Variants in METAP1D observed in about 807,000 individuals in gnomAD.
METAP1D encodes methionine aminopeptidase 1D, mitochondrial.
In METAP1D, 31 loss-of-function variants were observed where a neutral mutation model predicts 40.5. The ratio of observed to expected loss-of-function variants is 0.77; its 90% CI spans 0.58 to 1.03. The LOEUF is 1.03. Ranked by LOEUF, METAP1D falls within the 50% of genes least tolerant of loss-of-function variation. The pLI is 0.00. For missense variants in METAP1D, 411 were observed against 420.7 expected, an observed-to-expected ratio of 0.98 and a Z score of 0.20; for synonymous variants, 151 against 146.4, an observed-to-expected ratio of 1.03 and a Z score of -0.22.
chr2:172,010,447 T>A (rs1281401778), intron 1 of METAP1D, among the ~76,000 whole-genome samples: 1 of 12,822 alleles, frequency 7.8e-5, no homozygotes, highest in East Asian at 6.3e-4. Context: ...CACCCAGCCC[T>A]TTTTTTTTTT....
chr2:172,036,167 G>A (rs7582986), intron 1 of METAP1D, among the ~76,000 whole-genome samples: 161 of 150,976 alleles, frequency 1.1e-3, no homozygotes, highest in Admixed American at 7.0e-3. Context: ...AATACAAAAA[G>A]TTAGCTGGGC....
In METAP1D at chr2:172,036,781, A is replaced by T. The variant is rs77157649; in HGVS notation, c.41-24717A>T. 5.7e-3 allele frequency among the ~76,000 whole-genome samples: 866 copies of T among 152,324 alleles called. 6 individuals carry two copies. The highest frequency in any genetic ancestry group is 0.02 in the African/African-American group (831 of 41,564). ...ATTAGTGACTTCATAATTGACAGGC[A>T]GTTTTCCAAGGTGGTTGTACCAGTT... On this transcript the variant is annotated intron_variant, in intron 1 of 9. Transcript: ENST00000315796.
At chr2:172,054,468 G>A (rs182921757) in intron 1 of METAP1D, among the ~76,000 whole-genome samples, 2 of 152,108 alleles carry the variant, frequency 1.3e-5, no homozygotes, top group African/African-American at 2.4e-5. Context: ...GCAGTGAGCC[G>A]AGATCGTGCT....
intron 1 of METAP1D, among the ~76,000 whole-genome samples, chr2:172,020,346 T>TCCC (rs1481573307): frequency 1.3e-5 from 2 of 152,164 alleles, no homozygotes; most frequent in Non-Finnish European, 2.9e-5. Context: ...AGGCTTTTCC[T>TCCC]CCCTGCAATT....
In METAP1D at chr2:172,079,758, G is replaced by A. The variant is rs907792149; in HGVS notation, c.851-370G>A. Among the ~76,000 whole-genome samples, 13 of 152,086 alleles carry A rather than the reference G, an allele frequency of 8.5e-5. No individual in the cohort carries two copies. The South Asian group carries it at 1.2e-3, about 15-fold the overall frequency. On this transcript the variant is annotated intron_variant, in intron 8 of 9. Transcript: ENST00000315796. ...TTATTTGCTGATGAATGAACATCTCGAGCATGTTTTTAAAATTTAAATATT... is the reference window on the plus strand; with the variant it reads ...TTATTTGCTGATGAATGAACATCTCAAGCATGTTTTTAAAATTTAAATATT...
chr2:172,054,521 A>AAAATAAATAAATAAAT (rs56060951), intron 1 of METAP1D, among the ~76,000 whole-genome samples: 10,997 of 149,206 alleles, frequency 0.074, 529 homozygotes, highest in Non-Finnish European at 0.11. Context: ...ACTCTGTCTC[A>AAAATAAATAAATAAAT]AAATAAATAA....
intron 1 of METAP1D, among the ~76,000 whole-genome samples, chr2:172,011,264 C>T (rs568455821): frequency 1.3e-5 from 2 of 151,508 alleles, no homozygotes; most frequent in South Asian, 4.2e-4. Context: ...CATCCTTAAG[C>T]AACCACTAAT....
At chr2:172,065,941 G>A (rs1690266672) in intron 4 of METAP1D, among the ~76,000 whole-genome samples, 189 bp downstream of exon 4, 1 of 152,170 alleles carries the variant, frequency 6.6e-6, no homozygotes, top group African/African-American at 2.4e-5. Flanking sequence ...TTTAATGTTT[G>A]TTAAAGCAGT....
intron 1 of METAP1D, among the ~76,000 whole-genome samples, chr2:172,013,549 G>C (rs895701036): frequency 1.3e-5 from 2 of 152,092 alleles, no homozygotes; most frequent in Non-Finnish European, 2.9e-5. Flanking sequence ...ATATTAGGGT[G>C]GTGAGGCCTG....
At position 172,080,433 on chromosome 2, in the gene METAP1D, T is replaced by C. The variant is rs1690677328; in HGVS notation, c.*27T>C. ...GAGCCGCCCGAAGGTCGCGGTGACC[T>C]GGTGCCTTTTTAAATAAATTGCTGA... On this transcript the variant is annotated 3_prime_UTR_variant, in exon 10 of 10. Transcript: ENST00000315796. 1 of 1,609,866 alleles carries C rather than the reference T, an allele frequency of 6.2e-7. No homozygotes were observed. Among genetic ancestry groups the C allele is most frequent in the African/African-American group, 1.3e-5 (1 of 74,960 alleles).
intron 1 of METAP1D, among the ~76,000 whole-genome samples, chr2:172,053,093 C>G (rs1689921146): frequency 6.6e-6 from 1 of 152,196 alleles, no homozygotes. Context: ...TCAAGTGATG[C>G]AGACTATTTA....
chr2:172,065,655 A>C lies in METAP1D; in HGVS notation c.400A>C (p.Ser134Arg). Residue 134 changes from serine (S) to arginine (R), a missense_variant, in exon 4 of 10, where the codon AGT becomes CGT. Physicochemically the swap from Ser to Arg is moderately radical, Grantham distance 110 (BLOSUM62 -1). Transcript: ENST00000315796. Reference sequence around the variant, plus strand: ...TGCTCTTGTTCATCGGGAAATCATCAGTCATAATGCCTATCCCTCACCTCT... The same window carrying C: ...TGCTCTTGTTCATCGGGAAATCATCCGTCATAATGCCTATCCCTCACCTCT... ...IDALVHREII[S>R]HNAYPSPLGY... 6.2e-7 allele frequency: 1 copy of C among 1,614,004 alleles called. No homozygotes were observed. The highest frequency in any genetic ancestry group is 1.3e-5 in the African/African-American group (1 of 75,044).
chr2:172,012,840 C>T (rs535530485), intron 1 of METAP1D, among the ~76,000 whole-genome samples: 3 of 152,180 alleles, frequency 2.0e-5, no homozygotes, highest in South Asian at 2.1e-4. Context: ...AATTCCTTCC[C>T]GGTACAAATT....
chr2:172,069,337 C>A (rs1002127844), intron 5 of METAP1D, among the ~76,000 whole-genome samples: 2 of 152,048 alleles, frequency 1.3e-5, no homozygotes, highest in African/African-American at 2.4e-5. Flanking sequence ...CTTGACTACG[C>A]CTATATTAGC....
At chr2:172,050,793 T>C (rs1689868924) in intron 1 of METAP1D, among the ~76,000 whole-genome samples, 1 of 152,232 alleles carries the variant, frequency 6.6e-6, no homozygotes, top group South Asian at 2.1e-4. Flanking sequence ...GTTTAAATGA[T>C]ATTAAGGCAT....
intron 1 of METAP1D, among the ~76,000 whole-genome samples, chr2:172,047,499 T>C (rs1487382337): frequency 6.6e-6 from 1 of 151,952 alleles, no homozygotes; most frequent in Non-Finnish European, 1.5e-5. Flanking sequence ...AGTGGTGCAA[T>C]CTCCACTCAC....
intron 9 of METAP1D, 50 bp downstream of exon 9, chr2:172,080,256 T>G: frequency 6.2e-7 from 1 of 1,613,844 alleles, no homozygotes; most frequent in Non-Finnish European, 8.5e-7. Context: ...AAAGGAAGAT[T>G]GGTCCGACGG....
chr2:172,078,870 C>T (rs1690620891), intron 7 of METAP1D, among the ~76,000 whole-genome samples: 1 of 152,168 alleles, frequency 6.6e-6, no homozygotes, highest in African/African-American at 2.4e-5. Flanking sequence ...GGGCAAGGCC[C>T]AGGACCCAGT....
chr2:172,045,809 GTGTGTGTGTGTATATATATA>G (rs1254749714), intron 1 of METAP1D, among the ~76,000 whole-genome samples: 16 of 69,954 alleles, frequency 2.3e-4, no homozygotes, highest in South Asian at 9.9e-4. Flanking sequence ...GTGTGTGTGT[GTGTGTGTGTGTATATATATA>G]TATATATATA....
Sources: gnomAD v4.1 joint callset for allele counts (sites outside exome capture counted in the v4.1 genomes callset) on GRCh38, gnomAD v4.1.1 for gene constraint, MANE v1.5 for transcripts, NCBI Gene and HGNC (gene_info 2026-07-23, HGNC 2026-07-21) for gene names.